The following GRIN2B variants were observed in gnomAD, a reference collection of about 807,000 sequenced individuals.
GRIN2B encodes the protein glutamate ionotropic receptor NMDA type subunit 2B.
GRIN2B carries 5 observed loss-of-function variants against 114.5 expected under a neutral mutation model. The observed-to-expected ratio is 0.04, with a 90% CI of 0.02 to 0.09. GRIN2B has a LOEUF of 0.09. Among genes scored for constraint, GRIN2B ranks in the 10% least tolerant of loss-of-function variants. GRIN2B has a pLI of 1.00. For missense variants in GRIN2B, 1,108 were observed against 1,943.5 expected (o/e 0.57, Z 8.08); for synonymous variants, 787 against 745.1 (o/e 1.06, Z -0.92).
chr12:13,606,400 C>A (rs1949248097), intron 10 of GRIN2B, among the ~76,000 whole-genome samples: 1 of 152,110 alleles, frequency 6.6e-6, no homozygotes, highest in Non-Finnish European at 1.5e-5. Context: ...CTCTTTTTAA[C>A]AATCAGCTGT....
intron 5 of GRIN2B, among the ~76,000 whole-genome samples, chr12:13,673,745 T>C (rs939060666): frequency 6.6e-6 from 1 of 152,014 alleles, no homozygotes; most frequent in South Asian, 2.1e-4. Flanking sequence ...TATGACCTGA[T>C]GGTGAGTGGT....
chr12:13,652,922 G>C (rs1319396984), intron 5 of GRIN2B, among the ~76,000 whole-genome samples: 2 of 152,156 alleles, frequency 1.3e-5, no homozygotes, highest in African/African-American at 4.8e-5. Context: ...TCCTTAGCGG[G>C]GCTTTGAGTT....
chr12:13,563,855 C>G lies in GRIN2B; in HGVS notation c.3383G>C (p.Gly1128Ala), dbSNP rs769658975. 2 of 1,614,108 alleles carry G rather than the reference C, an allele frequency of 1.2e-6. No individual in the cohort carries two copies. Among genetic ancestry groups the G allele is most frequent in the East Asian group, 4.5e-5 (2 of 44,864 alleles). Reference sequence around the variant, plus strand: ...CTGGTCCAGGTAGAAGTCCCGTAGCCCTTCCTTGTCCCTGAAGTAGCGCTT... The same window carrying G: ...CTGGTCCAGGTAGAAGTCCCGTAGCGCTTCCTTGTCCCTGAAGTAGCGCTT... Reference protein sequence around the residue: ...DHKRYFRDKEGLRDFYLDQFR... With the variant: ...DHKRYFRDKEALRDFYLDQFR... The change falls in exon 14 of 14, where the codon GGG (glycine) becomes GCG (alanine). Residue 1128 changes from glycine to alanine, a missense_variant. Transcript: ENST00000609686.
intron 10 of GRIN2B, among the ~76,000 whole-genome samples, chr12:13,600,758 A>G (rs945563445): frequency 1.3e-5 from 2 of 152,202 alleles, no homozygotes; most frequent in African/African-American, 4.8e-5. Context: ...CGATAAGGAC[A>G]TCACTACTAA....
chr12:13,913,960 G>A (rs546921317), intron 2 of GRIN2B, among the ~76,000 whole-genome samples: 25 of 152,196 alleles, frequency 1.6e-4, no homozygotes, highest in Admixed American at 5.9e-4. Flanking sequence ...TGTCTGGCAC[G>A]TACAACAGCA....
At chr12:13,820,251 C>T (rs1864909042) in intron 3 of GRIN2B, among the ~76,000 whole-genome samples, 1 of 152,252 alleles carries the variant, frequency 6.6e-6, no homozygotes. Flanking sequence ...AATACCAATG[C>T]CATCCTAATC....
At chr12:13,802,174 A>G (rs1180172817) in intron 3 of GRIN2B, among the ~76,000 whole-genome samples, 3 of 152,188 alleles carry the variant, frequency 2.0e-5, no homozygotes, top group Admixed American at 1.3e-4. Context: ...GGGAAAAGAC[A>G]GCTTCCATTT....
intron 2 of GRIN2B, among the ~76,000 whole-genome samples, chr12:13,966,339 C>T (rs1867789919): frequency 6.6e-6 from 1 of 152,176 alleles, no homozygotes; most frequent in South Asian, 2.1e-4. Flanking sequence ...CCGTTGTCTT[C>T]CTTCATTGAA....
At chr12:13,645,747 G>A (rs1025092031) in intron 5 of GRIN2B, among the ~76,000 whole-genome samples, 6 of 151,892 alleles carry the variant, frequency 4.0e-5, no homozygotes, top group East Asian at 1.9e-4. Flanking sequence ...TCTAGGTAGA[G>A]GGAATGATGT....
chr12:13,687,806 T>G (rs1399265189), intron 4 of GRIN2B, among the ~76,000 whole-genome samples: 1 of 152,228 alleles, frequency 6.6e-6, no homozygotes, highest in Non-Finnish European at 1.5e-5. Context: ...CAACTGTAGT[T>G]TAGCTTCATG....
At chr12:13,609,061 T>C (rs909584252) in intron 9 of GRIN2B, among the ~76,000 whole-genome samples, 1 of 152,138 alleles carries the variant, frequency 6.6e-6, no homozygotes, top group Non-Finnish European at 1.5e-5. Flanking sequence ...CCGGAGTGTG[T>C]GTAGGATGGT....
At chr12:13,688,627 A>G (rs995974788) in intron 4 of GRIN2B, among the ~76,000 whole-genome samples, 6 of 152,222 alleles carry the variant, frequency 3.9e-5, no homozygotes, top group Admixed American at 1.3e-4. Flanking sequence ...GTGCTCTGGA[A>G]GGAAGTCAGT....
intron 12 of GRIN2B, among the ~76,000 whole-genome samples, chr12:13,569,037 G>C (rs1054804506): frequency 6.6e-6 from 1 of 152,154 alleles, no homozygotes; most frequent in Non-Finnish European, 1.5e-5. Context: ...AAAGAGCAGA[G>C]ACCTTCCACA....
chr12:13,856,304 T>G (rs948310333), intron 3 of GRIN2B, among the ~76,000 whole-genome samples: 5 of 152,042 alleles, frequency 3.3e-5, no homozygotes, highest in Non-Finnish European at 7.4e-5. Flanking sequence ...CCTGGAGAGG[T>G]GGCCTGGGAC....
In GRIN2B at chr12:13,539,819, G is replaced by A. The variant is rs1948254829; in HGVS notation, c.*22964C>T. 1 of 151,994 alleles carries A rather than the reference G, an allele frequency of 6.6e-6. No homozygotes were observed. Among genetic ancestry groups the A allele is most frequent in the South Asian group, 2.1e-4 (1 of 4,816 alleles). The allele number at this position is 151,994 out of a possible 1,614,324, so 9.4% of individuals were successfully genotyped here. Reference sequence around the variant, plus strand: ...AATTGTATGGACCTTATGACTTATGGGAAAAAAACCCACCACCACCCCATA... The same window carrying A: ...AATTGTATGGACCTTATGACTTATGAGAAAAAAACCCACCACCACCCCATA... On this transcript the variant is annotated 3_prime_UTR_variant, in exon 14 of 14. Coordinates refer to ENST00000609686, the MANE Select transcript of GRIN2B (RefSeq NM_000834.5).
chr12:13,656,991 A>G (rs1949871233), intron 5 of GRIN2B, among the ~76,000 whole-genome samples: 1 of 152,196 alleles, frequency 6.6e-6, no homozygotes, highest in African/African-American at 2.4e-5. Context: ...TTTCTGGGAT[A>G]CTAGGACTCA....
At chr12:13,586,329 T>A (rs1448967363) in intron 10 of GRIN2B, among the ~76,000 whole-genome samples, 1 of 152,232 alleles carries the variant, frequency 6.6e-6, no homozygotes, top group Non-Finnish European at 1.5e-5. Flanking sequence ...TTATATAAGC[T>A]TTCTTTGTTA....
intron 9 of GRIN2B, among the ~76,000 whole-genome samples, chr12:13,610,772 C>T (rs547008850): frequency 3.0e-4 from 45 of 152,244 alleles, no homozygotes; most frequent in African/African-American, 7.7e-4. Flanking sequence ...ATGCAACCAA[C>T]GTAGAGAAAC....
At chr12:13,638,276 A>C (rs971873995) in intron 5 of GRIN2B, among the ~76,000 whole-genome samples, 10 of 152,138 alleles carry the variant, frequency 6.6e-5, no homozygotes, top group Non-Finnish European at 1.5e-5. Context: ...ACTGAAAGAA[A>C]AGTCGTATAA....
Sources: gnomAD v4.1 joint callset for allele counts (sites outside exome capture counted in the v4.1 genomes callset) on GRCh38, gnomAD v4.1.1 for gene constraint, MANE v1.5 for transcripts, NCBI Gene and HGNC (gene_info 2026-07-23, HGNC 2026-07-21) for gene names.